Variants in SEM1 observed in about 807,000 individuals in gnomAD.
The protein encoded by SEM1 is SEM1 26S proteasome subunit.
Under a neutral mutation model 12.7 loss-of-function variants are expected in SEM1, and 3 were observed. That is an observed-to-expected ratio of 0.24 (90% CI 0.11 to 0.61). The LOEUF (loss-of-function observed/expected upper bound fraction) is 0.61, where lower values mean the gene tolerates loss of function less well. Ranked by LOEUF, SEM1 falls within the 20% of genes least tolerant of loss-of-function variation. The pLI is 0.88. For synonymous variants in SEM1, 30 were observed against 27.8 expected (o/e 1.08, Z -0.25); for missense variants, 59 against 81.3 (o/e 0.73, Z 1.06).
At chr7:96,489,135 G>A (rs1265887932) in intron 1 of SEM1, among the ~76,000 whole-genome samples, 2 of 152,100 alleles carry the variant, frequency 1.3e-5, no homozygotes. Context: ...GCATGATGTT[G>A]ACATTTTCAG....
intron 2 of SEM1, among the ~76,000 whole-genome samples, chr7:96,548,164 A>G (rs1345464399): frequency 6.6e-6 from 1 of 152,052 alleles, no homozygotes. Flanking sequence ...TATGCTTTGG[A>G]TTTTCCTGCT....
At chr7:96,582,948 A>G (rs971860668) in intron 2 of SEM1, among the ~76,000 whole-genome samples, 1 of 152,156 alleles carries the variant, frequency 6.6e-6, no homozygotes, top group African/African-American at 2.4e-5. Flanking sequence ...AATTTTTTGA[A>G]GGGTTTTTTG....
intron 3 of SEM1, among the ~76,000 whole-genome samples, chr7:96,504,953 G>A (rs1398027782): frequency 2.0e-5 from 3 of 151,690 alleles, no homozygotes; most frequent in African/African-American, 4.8e-5. Context: ...GTGTAGCTTA[G>A]TATATTTCTT....
intron 2 of SEM1, among the ~76,000 whole-genome samples, chr7:96,678,494 A>C (rs1367994288): frequency 6.6e-6 from 1 of 152,192 alleles, no homozygotes; most frequent in Non-Finnish European, 1.5e-5. Flanking sequence ...GTAATGTAGA[A>C]CATCTAGATC....
intron 2 of SEM1, among the ~76,000 whole-genome samples, chr7:96,588,975 G>C (rs1471777861): frequency 6.6e-6 from 1 of 152,148 alleles, no homozygotes; most frequent in Non-Finnish European, 1.5e-5. Context: ...AGGAGAAAAT[G>C]CATTCAACTG....
chr7:96,513,113 T>C (rs1006121869), intron 2 of SEM1, among the ~76,000 whole-genome samples: 1 of 151,968 alleles, frequency 6.6e-6, no homozygotes, highest in Non-Finnish European at 1.5e-5. Flanking sequence ...CGTGTCCTTA[T>C]AAAAATGGGA....
chr7:96,533,922 T>G lies in SEM1; in HGVS notation c.171-27224A>C, dbSNP rs139716487. Among the ~76,000 whole-genome samples, 521 of 152,160 alleles carry G rather than the reference T, an allele frequency of 3.4e-3. 2 individuals are homozygous for G. The highest frequency in any genetic ancestry group is 0.012 in the African/African-American group (514 of 41,540). On this transcript the variant is annotated intron_variant and NMD_transcript_variant, in intron 2 of 3. Transcript: ENST00000466986. ...ACAGGAAAAAAAAATCCAGTGTAACTTAATAATGTTCTGGTGAAGCAGTAA... is the reference window on the plus strand; with the variant it reads ...ACAGGAAAAAAAAATCCAGTGTAACGTAATAATGTTCTGGTGAAGCAGTAA...
intron 2 of SEM1, among the ~76,000 whole-genome samples, chr7:96,691,345 CAT>C (rs1288527433): frequency 6.6e-6 from 1 of 152,194 alleles, no homozygotes; most frequent in Non-Finnish European, 1.5e-5. Flanking sequence ...GCACTCTACA[CAT>C]GTTAAATCAC....
chr7:96,691,823 A>G (rs1422736264), intron 2 of SEM1, among the ~76,000 whole-genome samples: 2 of 152,256 alleles, frequency 1.3e-5, no homozygotes, highest in Non-Finnish European at 2.9e-5. Context: ...AGCCAAATGT[A>G]ACTGATTGCT....
At chr7:96,599,814 T>C (rs1033911969) in intron 2 of SEM1, among the ~76,000 whole-genome samples, 1 of 152,198 alleles carries the variant, frequency 6.6e-6, no homozygotes, top group Non-Finnish European at 1.5e-5. Flanking sequence ...TGGCTCTGCA[T>C]GTATTTATTT....
intron 2 of SEM1, among the ~76,000 whole-genome samples, chr7:96,654,964 C>T (rs1030085935): frequency 2.6e-5 from 4 of 152,150 alleles, no homozygotes; most frequent in African/African-American, 9.7e-5. Flanking sequence ...CGTCCCCTCC[C>T]TTGGCAGTAT....
At chr7:96,552,591 T>C (rs1030160966) in intron 2 of SEM1, among the ~76,000 whole-genome samples, 8 of 147,050 alleles carry the variant, frequency 5.4e-5, no homozygotes, top group Admixed American at 3.4e-4. Flanking sequence ...AGTCTATCAT[T>C]GTTGGACATT....
chr7:96,633,797 T>C (rs571821585), intron 2 of SEM1, among the ~76,000 whole-genome samples: 16 of 152,078 alleles, frequency 1.1e-4, no homozygotes, highest in African/African-American at 3.9e-4. Flanking sequence ...GCAACCAGAC[T>C]AGGGAGGAAA....
chr7:96,514,408 T>C (rs950613761), intron 2 of SEM1, among the ~76,000 whole-genome samples: 2 of 152,030 alleles, frequency 1.3e-5, no homozygotes, highest in African/African-American at 4.8e-5. Flanking sequence ...ATACTGGAAG[T>C]TCTAGATAAT....
intron 2 of SEM1, among the ~76,000 whole-genome samples, chr7:96,555,180 T>TG (rs1805441790): frequency 6.6e-6 from 1 of 150,522 alleles, no homozygotes; most frequent in Non-Finnish European, 1.5e-5. Context: ...TGAAGGGTTT[T>TG]TGTGTCTCTA....
chr7:96,544,932 A>G (rs1436089804), intron 2 of SEM1, among the ~76,000 whole-genome samples: 2 of 152,014 alleles, frequency 1.3e-5, no homozygotes, highest in Non-Finnish European at 2.9e-5. Context: ...CAGCATAAGC[A>G]GAAGAAAATT....
chr7:96,581,399 T>C (rs1806401369), intron 2 of SEM1, among the ~76,000 whole-genome samples: 2 of 152,042 alleles, frequency 1.3e-5, no homozygotes, highest in South Asian at 4.2e-4. Context: ...TGAAGTCAGG[T>C]AGTGTGATGC....
intron 2 of SEM1, among the ~76,000 whole-genome samples, chr7:96,587,364 G>A (rs1806674552): frequency 6.6e-6 from 1 of 152,146 alleles, no homozygotes; most frequent in Non-Finnish European, 1.5e-5. Flanking sequence ...AAAGGCTTCT[G>A]TTCTCTTCCT....
exon 2 of SEM1, chr7:96,486,258 T>A: frequency 6.5e-7 from 1 of 1,537,142 alleles, no homozygotes; most frequent in Non-Finnish European, 8.7e-7. Flanking sequence ...TCCAAGTTTA[T>A]CTGTTGCTTT....
Sources: allele counts gnomAD v4.1 joint callset (sites outside exome capture counted in the v4.1 genomes callset), GRCh38; gene constraint gnomAD v4.1.1; transcripts MANE v1.5; gene names NCBI Gene and HGNC (gene_info 2026-07-23, HGNC 2026-07-21).